The following ANAPC11 variants were observed in gnomAD, a reference collection of about 807,000 sequenced individuals.
ANAPC11 encodes anaphase-promoting complex subunit 11.
ANAPC11 carries 5 observed loss-of-function variants against 11.8 expected under a neutral mutation model. The ratio of observed to expected loss-of-function variants is 0.42; its 90% CI spans 0.22 to 0.89. The LOEUF (loss-of-function observed/expected upper bound fraction) is 0.89. Among genes scored for constraint, ANAPC11 ranks in the 40% least tolerant of loss-of-function variants. ANAPC11 has a pLI of 0.28. For synonymous variants in ANAPC11, 45 were observed against 41.0 expected (o/e 1.10, Z -0.38); for missense variants, 68 against 112.9 (o/e 0.60, Z 1.80).
Position 81,900,026 on chromosome 17 carries a change from C to T in ANAPC11, c.216C>T (p.His72=), listed in dbSNP as rs778838908. ...TGCACGCACAGCAGGTGCAGCAGCA[C>T]TGCCCCATGTGCCGCCAGGAATGGA... The part of the protein sequence containing the change: ...KWLHAQQVQQ[H]CPMCRQEWKF... The change falls in exon 4 of 4, where the codon CAC becomes CAT. Residue 72 remains histidine, a synonymous_variant. Transcript: ENST00000344877. 27 of 1,612,686 alleles carry T rather than the reference C, an allele frequency of 1.7e-5. No individual in the cohort carries two copies. The highest frequency in any genetic ancestry group is 2.3e-5 in the Non-Finnish European group (27 of 1,179,898).
intron 3 of ANAPC11, among the ~76,000 whole-genome samples, chr17:81,895,399 C>T (rs1179323093): frequency 6.6e-6 from 1 of 152,158 alleles, no homozygotes; most frequent in Non-Finnish European, 1.5e-5. Context: ...GAAAAAAAGC[C>T]AGGTGGTTGG....
In ANAPC11 at chr17:81,899,579, G is replaced by C. The variant is rs74006126; in HGVS notation, c.110-341G>C. On this transcript the variant is annotated intron_variant, in intron 3 of 3. Transcript: ENST00000344877. ...CCCTTTTTCCCCAGCCTCAAGCACAGGGGACACAGGGTGGGCTAGGCCAGA... is the reference window on the plus strand; with the variant it reads ...CCCTTTTTCCCCAGCCTCAAGCACACGGGACACAGGGTGGGCTAGGCCAGA... 3.1e-3 allele frequency: 4,906 copies of C among 1,594,222 alleles called. 110 individuals carry two copies. The African/African-American group carries it at 0.058, about 19-fold the overall frequency.
At chr17:81,899,341 C>T in intron 3 of ANAPC11, 1 of 1,613,798 alleles carries the variant, frequency 6.2e-7, no homozygotes, top group East Asian at 2.2e-5. Context: ...CCCATCAACA[C>T]AGCTTCCCCA....
downstream of ANAPC11, chr17:81,900,484 C>G (rs914214112): frequency 8.1e-6 from 2 of 248,052 alleles, no homozygotes; most frequent in Non-Finnish European, 1.6e-5. Flanking sequence ...GACCCTCCCT[C>G]AGGCTGGCTC....
At chr17:81,891,246 C>G (rs2039521930), upstream of ANAPC11, 1 of 1,041,414 alleles carries the variant, frequency 9.6e-7, no homozygotes, top group Non-Finnish European at 1.2e-6. Flanking sequence ...CGGCCCGGGT[C>G]TCCGCCGCGA....
chr17:81,890,842 G>A (rs746176831), upstream of ANAPC11: 21 of 1,613,902 alleles, frequency 1.3e-5, no homozygotes, highest in Admixed American at 1.7e-5. Context: ...ACCGCAACAA[G>A]AGCAGATCTG....
chr17:81,896,105 A>C (rs2039733003), intron 3 of ANAPC11, among the ~76,000 whole-genome samples: 1 of 152,148 alleles, frequency 6.6e-6, no homozygotes, highest in Non-Finnish European at 1.5e-5. Context: ...CCAACATGGC[A>C]AAACCCCGAC....
At chr17:81,899,310 G>A in intron 3 of ANAPC11, 1 of 1,613,472 alleles carries the variant, frequency 6.2e-7, no homozygotes, top group Non-Finnish European at 8.5e-7. Context: ...TGTCCTGGGA[G>A]GCAGGGCCCA....
intron 2 of ANAPC11, among the ~76,000 whole-genome samples, 155 bp downstream of exon 2, chr17:81,893,769 T>G (rs1164731172): frequency 6.8e-6 from 1 of 146,226 alleles, no homozygotes; most frequent in Non-Finnish European, 1.5e-5. Context: ...TTTTTTTTTT[T>G]TTTTTTTGGT....
intron 3 of ANAPC11, among the ~76,000 whole-genome samples, chr17:81,895,910 T>C (rs577053283): frequency 5.3e-5 from 8 of 152,078 alleles, no homozygotes; most frequent in Non-Finnish European, 8.8e-5. Context: ...GGGGTTGCAG[T>C]GAGCCAAGAG....
intron 3 of ANAPC11, among the ~76,000 whole-genome samples, chr17:81,896,013 G>T (rs1312885417): frequency 6.6e-6 from 1 of 152,242 alleles, no homozygotes; most frequent in Non-Finnish European, 1.5e-5. Flanking sequence ...GCCAGGCGCA[G>T]TGGCTCACAC....
At chr17:81,895,050 CTTTTTTTTTTTT>C in intron 3 of ANAPC11, among the ~76,000 whole-genome samples, 1 of 85,062 alleles carries the variant, frequency 1.2e-5, no homozygotes, top group East Asian at 3.3e-4. Flanking sequence ...TCTTTCTTTT[CTTTTTTTTTTTT>C]TTTTTTTTTG....
chr17:81,899,677 T>C (rs1306598179), intron 3 of ANAPC11: 2 of 1,147,122 alleles, frequency 1.7e-6, no homozygotes, highest in Non-Finnish European at 2.4e-6. Context: ...AGGCGCCTGC[T>C]GCGGTTGCCC....
upstream of ANAPC11, chr17:81,891,563 G>A (rs1343072606): frequency 2.8e-6 from 4 of 1,438,172 alleles, no homozygotes; most frequent in Non-Finnish European, 1.8e-6. Context: ...CGGCCATGGC[G>A]GGCGCGGAAT....
At chr17:81,899,459 C>T (rs1036062336) in intron 3 of ANAPC11, 1 of 1,614,006 alleles carries the variant, frequency 6.2e-7, no homozygotes, top group Admixed American at 1.7e-5. Context: ...TACTCAGATG[C>T]ACGTCTCCTT....
chr17:81,898,160 G>C (rs2039805935), intron 3 of ANAPC11: 1 of 152,284 alleles, frequency 6.6e-6, no homozygotes, highest in African/African-American at 2.4e-5. Flanking sequence ...AAGAGTGCGT[G>C]GGATGCCCTG....
intron 1 of ANAPC11, chr17:81,892,069 G>C (rs1046464465): frequency 2.0e-5 from 3 of 153,394 alleles, no homozygotes; most frequent in African/African-American, 7.2e-5. Context: ...CGGCGGGCGC[G>C]GCTTCGGCGG....
rs529200093 is a variant in ANAPC11, at chr17:81,894,715, C to CTT, written c.109+147_109+148dup. 2,809 of 358,648 alleles carry CTT rather than the reference C, an allele frequency of 7.8e-3. 6 individuals carry two copies. The highest frequency in any genetic ancestry group is 0.021 in the African/African-American group (800 of 38,842). 22.2% of individuals were successfully genotyped at this position (358,648 alleles called of 1,614,324 possible). ...TGCACGAAATACCCAGTTTCATTTTCTTTTTTTTTTTTTTTTTTTGAGACC... is the reference window on the plus strand; with the variant it reads ...TGCACGAAATACCCAGTTTCATTTTCTTTTTTTTTTTTTTTTTTTTTGAGACC... On this transcript the variant is annotated intron_variant, in intron 3 of 3. Transcript: ENST00000344877.
At chr17:81,895,551 C>G (rs2039712204) in intron 3 of ANAPC11, among the ~76,000 whole-genome samples, 1 of 152,242 alleles carries the variant, frequency 6.6e-6, no homozygotes, top group Non-Finnish European at 1.5e-5. Context: ...CGGCCCACGC[C>G]TGTTATTCCA....
Sources: allele counts gnomAD v4.1 joint callset (sites outside exome capture counted in the v4.1 genomes callset), GRCh38; gene constraint gnomAD v4.1.1; transcripts MANE v1.5; gene names NCBI Gene and HGNC (gene_info 2026-07-23, HGNC 2026-07-21).